NRK: variants seen among roughly 807,000 people sequenced by gnomAD.
NRK encodes Nik related kinase.
Under a neutral mutation model 125.2 loss-of-function variants are expected in NRK, and 67 were observed. The ratio of observed to expected loss-of-function variants is 0.54; its 90% confidence interval spans 0.44 to 0.66. NRK has a LOEUF of 0.66. Ranked by LOEUF, NRK falls within the 30% of genes least tolerant of loss-of-function variation. The pLI is 0.00. For missense variants in NRK, 1,224 were observed against 1,192.9 expected (o/e 1.03, Z -0.38); for synonymous variants, 458 against 429.0 (o/e 1.07, Z -0.84).
At chrX:105,950,191 G>C (rs73535217) in intron 27 of NRK, among the ~76,000 whole-genome samples, 12,733 of 110,978 alleles carry the variant, frequency 0.11, 1,807 homozygotes, top group African/African-American at 0.4. Flanking sequence ...TGATATTCCT[G>C]TGAAGAATCA....
intron 5 of NRK, 119 bp from the exon 6 acceptor site, chrX:105,893,713 C>A: frequency 2.3e-6 from 1 of 440,890 alleles, no homozygotes; most frequent in Non-Finnish European, 3.9e-6. Flanking sequence ...TGAGGCAGTA[C>A]TTGCAGTGCC....
At chrX:105,939,135 A>G (rs1020349398) in intron 22 of NRK, among the ~76,000 whole-genome samples, 1 of 111,816 alleles carries the variant, frequency 8.9e-6, no homozygotes, top group African/African-American at 3.2e-5. Context: ...ACACTGCTTC[A>G]AAAATGTTGT....
intron 24 of NRK, 142 bp from the exon 25 acceptor site, chrX:105,945,730 G>A (rs1374800364): frequency 1.1e-5 from 5 of 475,292 alleles, no homozygotes; most frequent in Non-Finnish European, 1.8e-5. Flanking sequence ...TGAATCCTGT[G>A]ATGCTCAGTC....
chrX:105,883,765 AT>A (rs1250764115), intron 4 of NRK, among the ~76,000 whole-genome samples: 2 of 112,415 alleles, frequency 1.8e-5, no homozygotes, highest in African/African-American at 6.4e-5. Context: ...ACCTCCTACC[AT>A]CCTCTCATTC....
intron 2 of NRK, among the ~76,000 whole-genome samples, chrX:105,875,704 A>G (rs1159825460): frequency 9.1e-6 from 1 of 110,484 alleles, no homozygotes; most frequent in African/African-American, 3.3e-5. Flanking sequence ...TTTGACAACA[A>G]GACAAAGAGT....
chrX:105,908,685 A>C (rs2040250512), intron 12 of NRK, 42 bp from the exon 13 acceptor site: 4 of 1,144,623 alleles, frequency 3.5e-6, no homozygotes, highest in Non-Finnish European at 4.6e-6. Context: ...CATTCCACTA[A>C]AAATTCTAAT....
intron 12 of NRK, 65 bp downstream of exon 12, chrX:105,908,368 A>C: frequency 1.8e-6 from 1 of 559,857 alleles, no homozygotes; most frequent in Non-Finnish European, 2.7e-6. Context: ...TTGATTCCAT[A>C]CTGTTGCCTT....
At chrX:105,953,304 A>G (rs1044946833) in intron 28 of NRK, 131 bp downstream of exon 28, 2 of 483,490 alleles carry the variant, frequency 4.1e-6, no homozygotes, top group East Asian at 4.5e-5. Context: ...CTGGCATACT[A>G]TTGATTAAAA....
chrX:105,853,606 A>G (rs1420525159), intron 2 of NRK, among the ~76,000 whole-genome samples: 1 of 112,112 alleles, frequency 8.9e-6, no homozygotes, highest in African/African-American at 3.2e-5. Context: ...AGTGAGCTGC[A>G]TATCTCTCTC....
intron 3 of NRK, among the ~76,000 whole-genome samples, chrX:105,880,456 T>A (rs1295482275): frequency 9.0e-6 from 1 of 111,451 alleles, no homozygotes; most frequent in Non-Finnish European, 1.9e-5. Flanking sequence ...TATATCCACA[T>A]AAAACAATGC....
chrX:105,893,948 T>C lies in NRK; in HGVS notation c.489+6T>C, dbSNP rs1453432866. On this transcript the variant is annotated splice_donor_region_variant and intron_variant, in intron 6 of 28. Coordinates refer to ENST00000243300, the MANE Select transcript of NRK (RefSeq NM_198465.4). ...TCTGCCGAGAAATCCTTCAGGTGAGTCTTCATACAGTCATTCTCTTCTGAT... is the reference window on the plus strand; with the variant it reads ...TCTGCCGAGAAATCCTTCAGGTGAGCCTTCATACAGTCATTCTCTTCTGAT... 1 of 982,005 alleles carries C rather than the reference T, an allele frequency of 1.0e-6. No homozygotes were observed. Among genetic ancestry groups the C allele is most frequent in the Admixed American group, 2.2e-5 (1 of 44,878 alleles). The allele number at this position is 982,005 out of a possible 1,213,427, so 80.9% of individuals were successfully genotyped here.
chrX:105,842,389 TCACTC>T (rs756814897), intron 2 of NRK, among the ~76,000 whole-genome samples: 1 of 111,544 alleles, frequency 9.0e-6, no homozygotes, highest in East Asian at 2.9e-4. Flanking sequence ...GTCAACCTCT[TCACTC>T]TCTTCTTGTG....
chrX:105,957,654 T>A lies in NRK; in HGVS notation c.*2054T>A, dbSNP rs2040994845. 9.0e-6 allele frequency: 1 copy of A among 111,514 alleles called. No individual in the cohort carries two copies. The highest frequency in any genetic ancestry group is 3.3e-5 in the African/African-American group (1 of 30,638). 9.2% of individuals were successfully genotyped at this position (111,514 alleles called of 1,213,427 possible). A position where few individuals can be genotyped will look rare whatever the true frequency, so the allele number is the denominator to read the frequency against. On this transcript the variant is annotated 3_prime_UTR_variant, in exon 29 of 29. Transcript: ENST00000243300. ...CTGAATCTACAATGATGTCCCAAAG[T>A]AACCAAGTAAGAGAGATTGTAAATG... is the stretch of plus-strand genomic sequence containing the variant.
chrX:105,871,576 A>G lies in NRK; in HGVS notation c.124-8623A>G, dbSNP rs192941949. Among the ~76,000 whole-genome samples the G allele has an allele frequency of 2.7e-5, 3 of 111,415 alleles. No individual in the cohort carries two copies. The East Asian group carries it at 8.6e-4, about 32-fold the overall frequency. The stretch of plus-strand genomic sequence containing the variant: ...GCAATTGACTTGGTCAGTTCAGCAC[A>G]TATGTGCTGAGTGCCTATGATGTGC... On this transcript the variant is annotated intron_variant, in intron 2 of 28. Transcript: ENST00000243300.
chrX:105,874,652 C>G (rs192625733), intron 2 of NRK, among the ~76,000 whole-genome samples: 4 of 111,855 alleles, frequency 3.6e-5, no homozygotes, highest in Non-Finnish European at 5.7e-5. Flanking sequence ...ACATATACCT[C>G]TTAACAATGC....
chrX:105,914,714 G>C (rs209093), intron 14 of NRK, among the ~76,000 whole-genome samples: 2 of 107,870 alleles, frequency 1.9e-5, no homozygotes, highest in Admixed American at 1.0e-4. Flanking sequence ...CTTGTCTCTC[G>C]GAGTGTAGAG....
intron 21 of NRK, among the ~76,000 whole-genome samples, chrX:105,936,762 G>C (rs1042406937): frequency 8.1e-5 from 9 of 111,071 alleles, no homozygotes; most frequent in African/African-American, 2.9e-4. Context: ...GCTTATATTT[G>C]AACAAATAGA....
intron 4 of NRK, among the ~76,000 whole-genome samples, chrX:105,886,384 C>G (rs1241291852): frequency 9.5e-6 from 1 of 105,402 alleles, no homozygotes; most frequent in African/African-American, 3.4e-5. Flanking sequence ...GATCAACACA[C>G]ACACATACAC....
Position 105,897,290 on chromosome X carries a change from T to C in NRK, c.581-1294T>C, listed in dbSNP as rs2040097062. On this transcript the variant is annotated intron_variant, in intron 7 of 28. Transcript: ENST00000243300. ...TTAAATTTTTAAGATTATAGTTGTT[T>C]TTAAGCAACATAGTATAAGAAGAAA... is the stretch of plus-strand genomic sequence containing the variant. 2.7e-5 allele frequency among the ~76,000 whole-genome samples: 3 copies of C among 112,645 alleles called. No individual in the cohort carries two copies. The Admixed American group carries it at 2.8e-4, about 11-fold the overall frequency.
Sources: gnomAD v4.1 joint callset for allele counts (sites outside exome capture counted in the v4.1 genomes callset) on GRCh38, gnomAD v4.1.1 for gene constraint, MANE v1.5 for transcripts, NCBI Gene and HGNC (gene_info 2026-07-23, HGNC 2026-07-21) for gene names.